The following KCNMB2 variants were observed in gnomAD, a reference collection of about 807,000 sequenced individuals.
The protein encoded by KCNMB2 is potassium calcium-activated channel subfamily M regulatory beta subunit 2.
A neutral mutation model predicts 24.5 loss-of-function variants in KCNMB2; 9 were observed. The observed-to-expected ratio is 0.37, with a 90% CI of 0.22 to 0.64. The LOEUF is 0.64. Among genes scored for constraint, KCNMB2 ranks in the 30% least tolerant of loss-of-function variants. KCNMB2 has a pLI of 0.63. For missense variants in KCNMB2, 226 were observed against 284.3 expected (o/e 0.79, Z 1.47); for synonymous variants, 109 against 104.4 (o/e 1.04, Z -0.27).
chr3:178,670,761 G>A (rs1364351805), intron 1 of KCNMB2, among the ~76,000 whole-genome samples: 1 of 152,162 alleles, frequency 6.6e-6, no homozygotes, highest in East Asian at 1.9e-4. Context: ...CTGTGAGGCA[G>A]CTCAGTGTTC....
chr3:178,798,399 G>C (rs1713639745), intron 1 of KCNMB2, among the ~76,000 whole-genome samples: 1 of 151,968 alleles, frequency 6.6e-6, no homozygotes, highest in South Asian at 2.1e-4. Context: ...TTGTTTGTTT[G>C]TTTGTTTGTT....
intron 1 of KCNMB2, among the ~76,000 whole-genome samples, chr3:178,713,049 G>A (rs1015620536): frequency 6.6e-6 from 1 of 152,174 alleles, no homozygotes; most frequent in Non-Finnish European, 1.5e-5. Context: ...ATTTAGTTGG[G>A]AAAAGAGAGG....
In KCNMB2 at chr3:178,757,716, ATATG is replaced by A. The variant is rs1401965462; in HGVS notation, c.-67-49623_-67-49620del. 2.4e-4 allele frequency among the ~76,000 whole-genome samples: 20 copies of A among 82,902 alleles called. 2 individuals are homozygous for A. The highest frequency in any genetic ancestry group is 4.5e-4 in the Non-Finnish European group (19 of 42,670). The allele number at this position is 82,902 out of a possible 152,430, so 54.4% of individuals were successfully genotyped here. A position where few individuals can be genotyped will look rare whatever the true frequency, so the allele number is the denominator to read the frequency against. ...TGTATATATATCCAAGAGGATATAT[ATATG>A]TATATATATCCAAGAGGATATATAT... On this transcript the variant is annotated intron_variant, in intron 1 of 4. Coordinates refer to ENST00000452583, the MANE Select transcript of KCNMB2 (RefSeq NM_181361.3).
intron 1 of KCNMB2, among the ~76,000 whole-genome samples, chr3:178,563,687 C>A (rs1203357974): frequency 6.6e-6 from 1 of 152,062 alleles, no homozygotes; most frequent in Non-Finnish European, 1.5e-5. Context: ...CATATGCAAT[C>A]CTAGAAAGTA....
At chr3:178,819,737 C>A (rs1180958875) in intron 2 of KCNMB2, among the ~76,000 whole-genome samples, 1 of 152,140 alleles carries the variant, frequency 6.6e-6, no homozygotes, top group Admixed American at 6.5e-5. Context: ...TCAAAGTGGT[C>A]ATAATGTGAA....
At chr3:178,682,266 T>C (rs1164826249) in intron 1 of KCNMB2, among the ~76,000 whole-genome samples, 1 of 152,228 alleles carries the variant, frequency 6.6e-6, no homozygotes, top group Non-Finnish European at 1.5e-5. Context: ...CCAAGGTTGT[T>C]GTGGAGATAA....
At chr3:178,555,133 C>T (rs1056480022) in intron 1 of KCNMB2, among the ~76,000 whole-genome samples, 2 of 152,316 alleles carry the variant, frequency 1.3e-5, no homozygotes, top group Middle Eastern at 6.8e-3. Flanking sequence ...AGCCCCCATG[C>T]TACCTGCTGC....
intron 1 of KCNMB2, among the ~76,000 whole-genome samples, chr3:178,614,287 A>ATGTATGTATGTATG: frequency 1.3e-5 from 1 of 74,496 alleles, no homozygotes; most frequent in African/African-American, 4.4e-5. Context: ...ATATATATAT[A>ATGTATGTATGTATG]TATATATATG....
chr3:178,601,390 T>G (rs957843219), intron 1 of KCNMB2, among the ~76,000 whole-genome samples: 2 of 152,110 alleles, frequency 1.3e-5, no homozygotes, highest in African/African-American at 2.4e-5. Flanking sequence ...GGTGATTTTG[T>G]TAAGGTCTTT....
chr3:178,673,199 T>G (rs1720964928), intron 1 of KCNMB2, among the ~76,000 whole-genome samples: 1 of 152,122 alleles, frequency 6.6e-6, no homozygotes, highest in Non-Finnish European at 1.5e-5. Context: ...AATTCAACTC[T>G]CCACTTAATC....
chr3:178,583,237 ATATACT>A (rs1161860174), intron 1 of KCNMB2, among the ~76,000 whole-genome samples: 2 of 152,188 alleles, frequency 1.3e-5, no homozygotes, highest in Non-Finnish European at 2.9e-5. Flanking sequence ...AAAATTGCTA[ATATACT>A]TATAGGATAT....
At chr3:178,631,363 C>T (rs768992702) in intron 1 of KCNMB2, among the ~76,000 whole-genome samples, 1 of 152,206 alleles carries the variant, frequency 6.6e-6, no homozygotes, top group Non-Finnish European at 1.5e-5. Flanking sequence ...CTGTCAGTAA[C>T]AGCTACATTG....
intron 1 of KCNMB2, among the ~76,000 whole-genome samples, chr3:178,790,897 C>G (rs1713295897): frequency 6.6e-6 from 1 of 152,256 alleles, no homozygotes; most frequent in African/African-American, 2.4e-5. Context: ...CACAGTGTTA[C>G]TGGGCTTGAG....
intron 1 of KCNMB2, among the ~76,000 whole-genome samples, chr3:178,618,811 A>G (rs1718806312): frequency 6.6e-6 from 1 of 152,232 alleles, no homozygotes; most frequent in African/African-American, 2.4e-5. Flanking sequence ...GAATTGGGAT[A>G]TCTCAAAAAG....
intron 1 of KCNMB2, among the ~76,000 whole-genome samples, chr3:178,766,713 C>T (rs1712134890): frequency 1.3e-5 from 2 of 152,160 alleles, no homozygotes; most frequent in South Asian, 4.1e-4. Flanking sequence ...GAATTATTCA[C>T]TTGATTTGAT....
intron 1 of KCNMB2, among the ~76,000 whole-genome samples, chr3:178,757,330 ATGTATATATAT>A (rs1724112590): frequency 9.0e-6 from 1 of 110,744 alleles, no homozygotes; most frequent in African/African-American, 3.6e-5. Context: ...ACATATATAT[ATGTATATATAT>A]CCAAGAGGAT....
chr3:178,589,073 A>T (rs1394476733), intron 1 of KCNMB2, among the ~76,000 whole-genome samples: 3 of 152,202 alleles, frequency 2.0e-5, no homozygotes, highest in Admixed American at 2.0e-4. Flanking sequence ...TATGGCCTTA[A>T]AAAAGACTCT....
In KCNMB2 at chr3:178,828,054, A is replaced by C. The variant is rs1560038031; in HGVS notation, c.228-124A>C. The C allele has an allele frequency of 4.1e-6, 3 of 733,206 alleles. No homozygotes were observed. The East Asian group carries it at 7.8e-5, about 19-fold the overall frequency. 45.4% of individuals were successfully genotyped at this position (733,206 alleles called of 1,614,324 possible). A position where few individuals can be genotyped will look rare whatever the true frequency, so the allele number is the denominator to read the frequency against. ...TCGAAGGCCTAAACTTTACACAGAT[A>C]GATCATATTAGAGATTTAGAAAAGA... On this transcript the variant is annotated intron_variant, in intron 3 of 4. Coordinates refer to ENST00000452583, the MANE Select transcript of KCNMB2 (RefSeq NM_181361.3).
At chr3:178,619,391 G>C (rs2108525351) in intron 1 of KCNMB2, among the ~76,000 whole-genome samples, 1 of 152,202 alleles carries the variant, frequency 6.6e-6, no homozygotes, top group Non-Finnish European at 1.5e-5. Flanking sequence ...AATACTCAGA[G>C]CAAAGTTACT....
Sources: allele counts gnomAD v4.1 joint callset (sites outside exome capture counted in the v4.1 genomes callset), GRCh38; gene constraint gnomAD v4.1.1; transcripts MANE v1.5; gene names NCBI Gene and HGNC (gene_info 2026-07-23, HGNC 2026-07-21).